MORN5: variants seen among roughly 807,000 people sequenced by gnomAD.
The protein encoded by MORN5 is MORN repeat-containing protein 5.
Under a neutral mutation model 22.1 loss-of-function variants are expected in MORN5, and 21 were observed. That is an observed-to-expected ratio of 0.95 (90% CI 0.67 to 1.37). The LOEUF (loss-of-function observed/expected upper bound fraction) is 1.37, where lower values mean the gene tolerates loss of function less well. MORN5 is among the 40% of genes most tolerant of loss of function. The pLI, the probability that MORN5 is intolerant of heterozygous loss-of-function variation, is 0.00. For synonymous variants in MORN5, 73 were observed against 74.0 expected (o/e 0.99, Z 0.07); for missense variants, 211 against 215.1 (o/e 0.98, Z 0.12).
At position 122,160,130 on chromosome 9, in the gene MORN5, C is replaced by T. The variant is rs115754537; in HGVS notation, c.47+111C>T. ...TGCCAGGCACTTTCACAAACTTGCC[C>T]GAGTAATTTTTTCAAGGACCATATC... On this transcript the variant is annotated intron_variant, in intron 1 of 4. Transcript: ENST00000373764. 1.2e-3 allele frequency: 1,175 copies of T among 951,942 alleles called. 6 individuals are homozygous for T. The highest frequency in any genetic ancestry group is 0.01 in the African/African-American group (626 of 60,856). The allele number at this position is 951,942 out of a possible 1,614,324, so 59.0% of individuals were successfully genotyped here. A position where few individuals can be genotyped will look rare whatever the true frequency, so the allele number is the denominator to read the frequency against.
chr9:122,186,282 T>C (rs1303290208), intron 4 of MORN5, among the ~76,000 whole-genome samples: 1 of 152,182 alleles, frequency 6.6e-6, no homozygotes, highest in Non-Finnish European at 1.5e-5. Context: ...AGTTATTTAC[T>C]GACAATCAAG....
At chr9:122,181,048 T>C (rs980425336) in intron 4 of MORN5, among the ~76,000 whole-genome samples, 7 of 152,258 alleles carry the variant, frequency 4.6e-5, no homozygotes, top group Non-Finnish European at 5.9e-5. Context: ...AGACAACTTA[T>C]GATTTTGAAT....
In MORN5 at chr9:122,197,895, A is replaced by T. The variant is rs139617923; in HGVS notation, c.440-1990A>T. On this transcript the variant is annotated intron_variant, in intron 4 of 4. Transcript: ENST00000373764. The surrounding 1 kb of genome is among the most constrained non-coding windows in gnomAD (Gnocchi z 5.7). Reference sequence around the variant, plus strand: ...CACCCCTGGATTTCCCAGCCGCAGCAGGGACTCCCAGGCAGCCTCCCCAGA... The same window carrying T: ...CACCCCTGGATTTCCCAGCCGCAGCTGGGACTCCCAGGCAGCCTCCCCAGA... Among the ~76,000 whole-genome samples the T allele has an allele frequency of 0.01, 1,585 of 152,316 alleles. 16 individuals carry two copies. The highest frequency in any genetic ancestry group is 0.016 in the Non-Finnish European group (1,082 of 68,022).
At chr9:122,162,133 CTTAA>C (rs1264128173) in intron 1 of MORN5, among the ~76,000 whole-genome samples, 3 of 152,306 alleles carry the variant, frequency 2.0e-5, no homozygotes, top group African/African-American at 7.2e-5. Flanking sequence ...TTGTTGTACA[CTTAA>C]TTAACCATCC....
intron 4 of MORN5, among the ~76,000 whole-genome samples, chr9:122,191,106 A>G (rs1474011388): frequency 6.6e-6 from 1 of 152,162 alleles, no homozygotes; most frequent in African/African-American, 2.4e-5. Flanking sequence ...ATTCGGCATA[A>G]GCCCTGGGCT....
chr9:122,199,876 T>C lies in MORN5; in HGVS notation c.440-9T>C, dbSNP rs778564658. Reference sequence around the variant, plus strand: ...CCAAGCATGACCAGCTCTTCCTCTTTCCTTGCAGATGATGACGAGCATGAG... The same window carrying C: ...CCAAGCATGACCAGCTCTTCCTCTTCCCTTGCAGATGATGACGAGCATGAG... On this transcript the variant is annotated splice_polypyrimidine_tract_variant and intron_variant, in intron 4 of 4. Coordinates refer to ENST00000373764, the MANE Select transcript of MORN5 (RefSeq NM_198469.4). The C allele has an allele frequency of 6.2e-7, 1 of 1,613,808 alleles. No homozygotes were observed. The highest frequency in any genetic ancestry group is 1.1e-5 in the South Asian group (1 of 91,066).
intron 4 of MORN5, among the ~76,000 whole-genome samples, chr9:122,179,220 A>C (rs1051342681): frequency 5.3e-5 from 8 of 152,202 alleles, no homozygotes; most frequent in Admixed American, 5.2e-4. Context: ...GTATGAAAGG[A>C]GACAAAGGGC....
intron 3 of MORN5, among the ~76,000 whole-genome samples, chr9:122,172,354 A>G (rs1829379228): frequency 6.9e-6 from 1 of 145,400 alleles, no homozygotes; most frequent in Non-Finnish European, 1.5e-5. Flanking sequence ...TCAAATTCTC[A>G]GAAACAGTGA....
intron 1 of MORN5, among the ~76,000 whole-genome samples, chr9:122,163,379 C>T (rs545757088): frequency 2.6e-5 from 4 of 152,314 alleles, no homozygotes; most frequent in East Asian, 3.9e-4. Context: ...AAACCCAGGT[C>T]GATCAGACTG....
intron 4 of MORN5, among the ~76,000 whole-genome samples, chr9:122,178,267 T>A (rs1829483628): frequency 6.6e-6 from 1 of 152,088 alleles, no homozygotes; most frequent in African/African-American, 2.4e-5. Context: ...GGCAGGCGGA[T>A]CACCTGAGGT....
rs114722446 is a variant in MORN5, at chr9:122,188,363, C to A, written c.440-11522C>A. 4.6e-3 allele frequency among the ~76,000 whole-genome samples: 698 copies of A among 152,326 alleles called. 7 individuals are homozygous for A. The highest frequency in any genetic ancestry group is 0.016 in the African/African-American group (651 of 41,568). On this transcript the variant is annotated intron_variant, in intron 4 of 4. Coordinates refer to ENST00000373764, the MANE Select transcript of MORN5 (RefSeq NM_198469.4). ...GCCTCCCCTGTAAAAGAGGTAATGACATTGTCTTTCCACGACTGCTGTGAG... is the reference window on the plus strand; with the variant it reads ...GCCTCCCCTGTAAAAGAGGTAATGAAATTGTCTTTCCACGACTGCTGTGAG...
chr9:122,163,510 G>A (rs142818341), intron 1 of MORN5, among the ~76,000 whole-genome samples: 27 of 152,356 alleles, frequency 1.8e-4, no homozygotes, highest in African/African-American at 6.3e-4. Flanking sequence ...GGCCTTGAAG[G>A]TTGGGTAGGA....
At position 122,174,581 on chromosome 9, in the gene MORN5, C is replaced by T; in HGVS notation, c.393C>T (p.Val131=). The change falls in exon 4 of 5, where the codon GTC becomes GTT. Residue 131 remains valine, a synonymous_variant. Coordinates refer to ENST00000373764, the MANE Select transcript of MORN5 (RefSeq NM_198469.4). ...GTGGAGACGGCTTCTATAACCCAGT[C>T]ACGAGGGTAGTCAAGGACTATAGGA... ...YDCGDGFYNP[V]TRVVKDYRNR... 1.2e-6 allele frequency: 2 copies of T among 1,614,114 alleles called. No homozygotes were observed. The highest frequency in any genetic ancestry group is 1.7e-6 in the Non-Finnish European group (2 of 1,180,008).
chr9:122,179,012 AC>A (rs2118763765), intron 4 of MORN5, among the ~76,000 whole-genome samples: 1 of 152,274 alleles, frequency 6.6e-6, no homozygotes, highest in South Asian at 2.1e-4. Context: ...GGATTACTTT[AC>A]CCTGGAGGCC....
intron 4 of MORN5, among the ~76,000 whole-genome samples, chr9:122,192,475 C>T (rs1829793592): frequency 6.6e-6 from 1 of 152,230 alleles, no homozygotes; most frequent in African/African-American, 2.4e-5. Flanking sequence ...TGCGAATCCT[C>T]TGAAGAGCTG....
chr9:122,175,594 G>A (rs888403210), intron 4 of MORN5: 79 of 979,434 alleles, frequency 8.1e-5, no homozygotes, highest in Middle Eastern at 1.1e-3. Context: ...ACACACACAC[G>A]TGCACCCACA....
intron 4 of MORN5, among the ~76,000 whole-genome samples, chr9:122,185,603 G>T (rs182794289): frequency 2.0e-5 from 3 of 151,820 alleles, no homozygotes; most frequent in African/African-American, 7.3e-5. Context: ...CTCGTGATCC[G>T]CCCGCCTCGG....
chr9:122,186,843 A>G (rs1427857608), intron 4 of MORN5, among the ~76,000 whole-genome samples: 2 of 152,000 alleles, frequency 1.3e-5, no homozygotes, highest in Non-Finnish European at 2.9e-5. Context: ...GCCGGAGCCT[A>G]CTCTCTTTCT....
chr9:122,184,392 G>A (rs971004337), intron 4 of MORN5, among the ~76,000 whole-genome samples: 1 of 152,212 alleles, frequency 6.6e-6, no homozygotes, highest in African/African-American at 2.4e-5. Flanking sequence ...AACACCTAGA[G>A]AAGAAAGATC....
Sources: gnomAD v4.1 joint callset for allele counts (sites outside exome capture counted in the v4.1 genomes callset) on GRCh38, gnomAD v4.1.1 for gene constraint, Gnocchi (gnomAD v3.1) non-coding constraint, MANE v1.5 for transcripts, NCBI Gene and HGNC (gene_info 2026-07-23, HGNC 2026-07-21) for gene names.